Variants in ZNF236 observed in about 807,000 individuals in gnomAD.
The protein encoded by ZNF236 is regulated by glucose.
Under a neutral mutation model 191.2 loss-of-function variants are expected in ZNF236, and 50 were observed. The ratio of observed to expected loss-of-function variants is 0.26; its 90% CI spans 0.21 to 0.33. ZNF236 has a LOEUF of 0.33. Among genes scored for constraint, ZNF236 ranks in the 10% least tolerant of loss-of-function variants. The probability of loss-of-function intolerance (pLI) is 1.00; values close to 1 mark genes in which losing one functional copy is unlikely to be tolerated. For synonymous variants in ZNF236, 907 were observed against 928.8 expected (o/e 0.98, Z 0.43); for missense variants, 1,754 against 2,374.5 (o/e 0.74, Z 5.43).
chr18:76,908,928 T>C (rs2122758476), intron 14 of ZNF236, among the ~76,000 whole-genome samples: 1 of 152,000 alleles, frequency 6.6e-6, no homozygotes, highest in South Asian at 2.1e-4. Context: ...TTTTTTTCCA[T>C]ACAAATATGC....
chr18:76,854,024 GA>G (rs1975965067), intron 3 of ZNF236, among the ~76,000 whole-genome samples: 1 of 148,844 alleles, frequency 6.7e-6, no homozygotes. Flanking sequence ...AAAAAAAAAA[GA>G]AAAGAAAAGA....
At chr18:76,918,583 T>A (rs937501825) in intron 19 of ZNF236, among the ~76,000 whole-genome samples, 3 of 152,174 alleles carry the variant, frequency 2.0e-5, no homozygotes, top group Admixed American at 2.0e-4. Context: ...CCACCACGCC[T>A]GGCTGATTTA....
At chr18:76,844,943 T>G (rs181659254) in intron 1 of ZNF236, among the ~76,000 whole-genome samples, 118 of 152,306 alleles carry the variant, frequency 7.7e-4, no homozygotes, top group African/African-American at 2.8e-3. Context: ...GAGTGATGGG[T>G]AGGGCATTGA....
chr18:76,885,218 C>G (rs1977013348), intron 9 of ZNF236: 1 of 152,460 alleles, frequency 6.6e-6, no homozygotes, highest in South Asian at 2.1e-4. Flanking sequence ...GGTGAAGATG[C>G]TCAGTGCATC....
intron 1 of ZNF236, among the ~76,000 whole-genome samples, chr18:76,848,058 C>T (rs1975748041): frequency 6.6e-6 from 1 of 152,184 alleles, no homozygotes; most frequent in Non-Finnish European, 1.5e-5. Flanking sequence ...TGTCTCTGTG[C>T]CCCTCCCATG....
At chr18:76,961,047 T>TTTG (rs1360308883) in intron 30 of ZNF236, among the ~76,000 whole-genome samples, 192 bp downstream of exon 30, 2 of 152,214 alleles carry the variant, frequency 1.3e-5, no homozygotes, top group African/African-American at 4.8e-5. Context: ...ACAGATAGTG[T>TTTG]TTGGTTACAT....
At chr18:76,922,372 A>G (rs55991468) in intron 20 of ZNF236, among the ~76,000 whole-genome samples, 4,758 of 152,238 alleles carry the variant, frequency 0.031, 113 homozygotes, top group Middle Eastern at 0.11. Context: ...GGGGGAAATG[A>G]TATCTCGTCG....
chr18:76,853,376 GC>G (rs1231179769), intron 3 of ZNF236, among the ~76,000 whole-genome samples: 2 of 152,026 alleles, frequency 1.3e-5, no homozygotes, highest in Non-Finnish European at 2.9e-5. Context: ...ACCGCGCCTG[GC>G]CTGACTTCAT....
intron 11 of ZNF236, among the ~76,000 whole-genome samples, chr18:76,902,933 T>C (rs1010547919): frequency 2.0e-5 from 3 of 151,944 alleles, no homozygotes; most frequent in African/African-American, 4.8e-5. Flanking sequence ...TAGGAAAAAG[T>C]GAGGCTGTGC....
intron 28 of ZNF236, among the ~76,000 whole-genome samples, chr18:76,958,745 G>C (rs564539105): frequency 6.6e-6 from 1 of 152,268 alleles, no homozygotes; most frequent in African/African-American, 2.4e-5. Flanking sequence ...GCTCTGCCTG[G>C]TCTGCAGTGC....
At chr18:76,893,410 C>T (rs1042305943) in intron 9 of ZNF236, among the ~76,000 whole-genome samples, 1 of 152,186 alleles carries the variant, frequency 6.6e-6, no homozygotes, top group Non-Finnish European at 1.5e-5. Context: ...TCCATTTTTA[C>T]CCCCGTGATT....
chr18:76,927,631 G>T lies in ZNF236; in HGVS notation c.4414+114G>T, dbSNP rs969347331. 5.6e-5 allele frequency: 75 copies of T among 1,349,132 alleles called. No homozygotes were observed. The highest frequency in any genetic ancestry group is 7.0e-5 in the Non-Finnish European group (71 of 1,007,958). 83.6% of individuals were successfully genotyped at this position (1,349,132 alleles called of 1,614,324 possible). ...GTCATTTTCTTCTCTTTGTAGAAGA[G>T]AATAAATCAAATGTCCTGAGAATAA... On this transcript the variant is annotated intron_variant, in intron 24 of 30. Transcript: ENST00000320610. This position sits in a 1 kb window ranked among gnomAD's most constrained non-coding sequence, Gnocchi z 5.4.
At chr18:76,908,806 C>T (rs1967131240) in intron 14 of ZNF236, among the ~76,000 whole-genome samples, 1 of 152,082 alleles carries the variant, frequency 6.6e-6, no homozygotes, top group African/African-American at 2.4e-5. Flanking sequence ...AAAACAAAAA[C>T]AAAGTGATCA....
At chr18:76,838,881 C>G (rs1207104131) in intron 1 of ZNF236, among the ~76,000 whole-genome samples, 1 of 152,196 alleles carries the variant, frequency 6.6e-6, no homozygotes, top group Non-Finnish European at 1.5e-5. Flanking sequence ...TGTGCTCCAT[C>G]CCAGTAAGGA....
At chr18:76,881,833 G>A (rs1342053882) in intron 9 of ZNF236, among the ~76,000 whole-genome samples, 14 of 152,090 alleles carry the variant, frequency 9.2e-5, no homozygotes, top group African/African-American at 2.7e-4. Flanking sequence ...CTGCTTAGGC[G>A]CCTCCTCTCC....
chr18:76,904,249 T>G (rs968571192), intron 11 of ZNF236, 131 bp from the exon 12 acceptor site: 27 of 751,056 alleles, frequency 3.6e-5, no homozygotes, highest in Middle Eastern at 2.8e-4. Flanking sequence ...ACAATTAAAA[T>G]AACATAGTTG....
At chr18:76,911,829 G>A (rs550608772) in intron 16 of ZNF236, among the ~76,000 whole-genome samples, 6 of 152,170 alleles carry the variant, frequency 3.9e-5, no homozygotes, top group Non-Finnish European at 7.4e-5. Flanking sequence ...CTATATGTGC[G>A]TGGTACCGTT....
intron 27 of ZNF236, among the ~76,000 whole-genome samples, chr18:76,953,148 C>T (rs1968448289): frequency 6.6e-6 from 1 of 152,204 alleles, no homozygotes; most frequent in Admixed American, 6.5e-5. Flanking sequence ...TGACAGACTG[C>T]CCCCTTACTC....
In ZNF236 at chr18:76,972,199, T is replaced by C. The variant is rs912251193; in HGVS notation, c.*3860T>C. Among the ~76,000 whole-genome samples the C allele has an allele frequency of 1.3e-5, 2 of 152,240 alleles. No homozygotes were observed. The highest frequency in any genetic ancestry group is 2.9e-5 in the Non-Finnish European group (2 of 68,036). On this transcript the variant is annotated 3_prime_UTR_variant, in exon 31 of 31. Coordinates refer to ENST00000320610, the MANE Select transcript of ZNF236 (RefSeq NM_001306089.2). ...CCTCTACACCTTTCCCATATTCTAATGAAAAGATCGTACGCCAAAGGCCAC... is the reference window on the plus strand; with the variant it reads ...CCTCTACACCTTTCCCATATTCTAACGAAAAGATCGTACGCCAAAGGCCAC...
Sources: allele counts gnomAD v4.1 joint callset (sites outside exome capture counted in the v4.1 genomes callset), GRCh38; gene constraint gnomAD v4.1.1; non-coding constraint Gnocchi (gnomAD v3.1); transcripts MANE v1.5; gene names NCBI Gene and HGNC (gene_info 2026-07-23, HGNC 2026-07-21).